AFG2A: variants seen among roughly 807,000 people sequenced by gnomAD.
AFG2A encodes the protein AAA ATPase AFG2A.
chr4:123,244,875 GA>G, the AFG2A span, among the ~76,000 whole-genome samples: 91,618 of 151,998 alleles, frequency 0.6, 28,801 homozygotes, highest in Admixed American at 0.68. Context: ...TTTAAATTGG[GA>G]AAAAATATAT....
chr4:123,260,999 C>G, the AFG2A span, among the ~76,000 whole-genome samples: 4 of 152,172 alleles, frequency 2.6e-5, no homozygotes, highest in Non-Finnish European at 5.9e-5. Flanking sequence ...AGCACGAACC[C>G]TATTGTGAAC....
the AFG2A span, among the ~76,000 whole-genome samples, chr4:122,943,647 T>C: frequency 0.041 from 6,258 of 152,160 alleles, 417 homozygotes; most frequent in African/African-American, 0.14. Context: ...TTAAAGTTAA[T>C]ATCGTTATGT....
the AFG2A span, among the ~76,000 whole-genome samples, chr4:122,948,396 A>G: frequency 7.1e-6 from 1 of 141,752 alleles, no homozygotes; most frequent in Non-Finnish European, 1.6e-5. Context: ...ATACACACAC[A>G]CACACACACA....
At chr4:123,264,662 C>A in the AFG2A span, among the ~76,000 whole-genome samples, 2 of 152,102 alleles carry the variant, frequency 1.3e-5, no homozygotes, top group African/African-American at 4.8e-5. Context: ...GTACCACTCC[C>A]CTTTTCCCTT....
chr4:123,288,418 A>G, the AFG2A span, among the ~76,000 whole-genome samples: 472 of 152,288 alleles, frequency 3.1e-3, no homozygotes, highest in Middle Eastern at 0.037. Flanking sequence ...TACTTCATCT[A>G]TTGAAACAGG....
the AFG2A span, among the ~76,000 whole-genome samples, chr4:123,243,383 G>A: frequency 1.3e-5 from 2 of 152,190 alleles, no homozygotes; most frequent in Non-Finnish European, 2.9e-5. Flanking sequence ...TTAAGAAAAT[G>A]TGGCACAGAT....
chr4:123,174,813 C>CTT, the AFG2A span, among the ~76,000 whole-genome samples: 10,556 of 117,394 alleles, frequency 0.09, 477 homozygotes, highest in Middle Eastern at 0.18. Flanking sequence ...TTTTTCTGAT[C>CTT]TTTTTTAAAA....
the AFG2A span, among the ~76,000 whole-genome samples, chr4:123,287,541 A>T: frequency 6.6e-6 from 1 of 152,176 alleles, no homozygotes; most frequent in South Asian, 2.1e-4. Context: ...TAAAGTCCTA[A>T]ATTAGTTAAC....
the AFG2A span, among the ~76,000 whole-genome samples, chr4:123,059,856 TGAGA>T: frequency 6.6e-6 from 1 of 152,138 alleles, no homozygotes; most frequent in African/African-American, 2.4e-5. Flanking sequence ...CTAACTGGTG[TGAGA>T]TGGTATTTCA....
the AFG2A span, chr4:123,090,728 T>C: frequency 6.3e-7 from 1 of 1,596,558 alleles, no homozygotes. Flanking sequence ...GCATTGTGGA[T>C]ATTATAAAAT....
the AFG2A span, among the ~76,000 whole-genome samples, chr4:122,969,124 T>C: frequency 1.3e-5 from 2 of 151,558 alleles, no homozygotes; most frequent in South Asian, 4.1e-4. Context: ...TATATATTTA[T>C]TATAATATAT....
chr4:122,999,364 T>C, the AFG2A span, among the ~76,000 whole-genome samples: 1 of 152,116 alleles, frequency 6.6e-6, no homozygotes. Flanking sequence ...TTTGGTGTTT[T>C]AGACATGAAG....
chr4:123,027,331 A>T, the AFG2A span, among the ~76,000 whole-genome samples: 1 of 151,978 alleles, frequency 6.6e-6, no homozygotes, highest in Admixed American at 6.6e-5. Flanking sequence ...TCCCTCCCTC[A>T]AATATTTTTT....
the AFG2A span, among the ~76,000 whole-genome samples, chr4:123,086,489 TTTTG>T: frequency 5.6e-4 from 86 of 152,246 alleles, no homozygotes; most frequent in African/African-American, 1.9e-3. Context: ...ATGTGTAGCT[TTTTG>T]TTTGTTTGTT....
At chr4:123,114,997 G>C in the AFG2A span, among the ~76,000 whole-genome samples, 1 of 152,188 alleles carries the variant, frequency 6.6e-6, no homozygotes, top group Non-Finnish European at 1.5e-5. Context: ...CCTGCTACCT[G>C]TGCGAGGGTG....
At chr4:123,095,051 A>ATATATT in the AFG2A span, among the ~76,000 whole-genome samples, 1 of 54,720 alleles carries the variant, frequency 1.8e-5, no homozygotes, top group Non-Finnish European at 4.7e-5. Context: ...AAATATATAT[A>ATATATT]TATATATATA....
the AFG2A span, among the ~76,000 whole-genome samples, chr4:123,015,338 G>T: frequency 4.0e-5 from 6 of 151,680 alleles, no homozygotes; most frequent in South Asian, 2.1e-4. Flanking sequence ...GCGGCCTTCC[G>T]CAGTGTTTGT....
At chr4:122,989,831 C>G in the AFG2A span, among the ~76,000 whole-genome samples, 4 of 152,030 alleles carry the variant, frequency 2.6e-5, no homozygotes, top group African/African-American at 9.7e-5. Context: ...AACTTTACTT[C>G]CTAGATTCTT....
chr4:123,247,206 T>C, the AFG2A span, among the ~76,000 whole-genome samples: 1 of 143,450 alleles, frequency 7.0e-6, no homozygotes, highest in African/African-American at 2.5e-5. Context: ...GTAAAGGGTG[T>C]GTGTGCTTAC....
Sources: gnomAD v4.1 joint callset for allele counts (sites outside exome capture counted in the v4.1 genomes callset) on GRCh38, gnomAD v4.1.1 for gene constraint, MANE v1.5 for transcripts, NCBI Gene and HGNC (gene_info 2026-07-23, HGNC 2026-07-21) for gene names.